Variants in NCOA3 observed in about 807,000 individuals in gnomAD.
NCOA3 encodes the protein nuclear receptor coactivator 3.
A neutral mutation model predicts 158.8 loss-of-function variants in NCOA3; 51 were observed. The observed-to-expected ratio is 0.32, with a 90% CI of 0.26 to 0.41. The LOEUF is 0.41. Ranked by LOEUF, NCOA3 falls within the 10% of genes least tolerant of loss-of-function variation. The pLI is 1.00. For missense variants in NCOA3, 1,510 were observed against 1,746.6 expected (o/e 0.86, Z 2.41); for synonymous variants, 537 against 592.4 (o/e 0.91, Z 1.36).
At chr20:47,508,822 A>G (rs2084069102) in intron 1 of NCOA3, among the ~76,000 whole-genome samples, 3 of 152,206 alleles carry the variant, frequency 2.0e-5, no homozygotes, top group African/African-American at 7.2e-5. Flanking sequence ...GTTACTTTGA[A>G]AAGAAGACTT....
intron 2 of NCOA3, among the ~76,000 whole-genome samples, chr20:47,612,298 A>G (rs1442518958): frequency 2.0e-5 from 3 of 152,256 alleles, no homozygotes; most frequent in Non-Finnish European, 4.4e-5. Flanking sequence ...GTTACATACA[A>G]GTTTACACAA....
chr20:47,520,780 C>T (rs2084318985), intron 1 of NCOA3, among the ~76,000 whole-genome samples: 2 of 152,158 alleles, frequency 1.3e-5, no homozygotes, highest in South Asian at 2.1e-4. Context: ...CCTTTGCGCT[C>T]ACTGAACTTG....
intron 10 of NCOA3, among the ~76,000 whole-genome samples, chr20:47,634,602 C>G (rs966308214): frequency 6.6e-6 from 1 of 152,066 alleles, no homozygotes; most frequent in Non-Finnish European, 1.5e-5. Context: ...GGATATTCAC[C>G]CATTAATTAT....
chr20:47,597,142 C>T (rs1453824160), intron 2 of NCOA3, among the ~76,000 whole-genome samples: 1 of 152,096 alleles, frequency 6.6e-6, no homozygotes, highest in East Asian at 1.9e-4. Flanking sequence ...ACATTTCTAC[C>T]ATTCCCTAAA....
chr20:47,519,444 T>A (rs953431568), intron 1 of NCOA3, among the ~76,000 whole-genome samples: 71 of 149,456 alleles, frequency 4.8e-4, no homozygotes, highest in Middle Eastern at 3.4e-3. Context: ...AAAAAAAAAA[T>A]GATATTTTTA....
chr20:47,502,144 C>T, intron 1 of NCOA3, 125 bp downstream of exon 1: 1 of 397,710 alleles, frequency 2.5e-6, no homozygotes, highest in Non-Finnish European at 4.4e-6. Context: ...CACTGAGGGG[C>T]GCGCCGGCCG....
At chr20:47,645,368 T>C (rs1052080441) in intron 17 of NCOA3, among the ~76,000 whole-genome samples, 5 of 152,052 alleles carry the variant, frequency 3.3e-5, no homozygotes, top group Admixed American at 3.3e-4. Context: ...TCTGATCCCC[T>C]ACCACCCTCA....
At chr20:47,574,228 A>G (rs1258141600) in intron 1 of NCOA3, among the ~76,000 whole-genome samples, 1 of 152,178 alleles carries the variant, frequency 6.6e-6, no homozygotes, top group Admixed American at 6.6e-5. Context: ...ATCATGGTTA[A>G]AGTATAACCC....
chr20:47,560,174 G>C (rs2085074693), intron 1 of NCOA3, among the ~76,000 whole-genome samples: 1 of 152,092 alleles, frequency 6.6e-6, no homozygotes, highest in Non-Finnish European at 1.5e-5. Context: ...TTGTCTCCTG[G>C]TTTCAAGCAA....
chr20:47,596,157 A>G (rs1032590149), intron 2 of NCOA3, among the ~76,000 whole-genome samples: 2 of 152,216 alleles, frequency 1.3e-5, no homozygotes, highest in African/African-American at 4.8e-5. Flanking sequence ...TCCTGCTTCT[A>G]TCCTTGAAGT....
rs60100539 is a variant in NCOA3, at chr20:47,515,028, T to TAA, written c.-99+13020_-99+13021dup. On this transcript the variant is annotated intron_variant, in intron 1 of 22. Transcript: ENST00000371998. ...GTTTTGTATAAGATTTCATTTGTGT[T>TAA]AAAAAAAAAAAATTCTACAGCAAAA... is the stretch of plus-strand genomic sequence containing the variant. 2.7e-3 allele frequency among the ~76,000 whole-genome samples: 391 copies of TAA among 145,542 alleles called. 1 individual carries two copies. The highest frequency in any genetic ancestry group is 0.021 in the Middle Eastern group (6 of 284).
rs1351170848 is a variant in NCOA3, at chr20:47,656,763, T to TATC, written c.*3347_*3349dup. 1 of 152,596 alleles carries TATC rather than the reference T, an allele frequency of 6.6e-6. No homozygotes were observed. The highest frequency in any genetic ancestry group is 6.5e-5 in the Admixed American group (1 of 15,274). The allele number at this position is 152,596 out of a possible 1,614,324, so 9.5% of individuals were successfully genotyped here. A position where few individuals can be genotyped will look rare whatever the true frequency, so the allele number is the denominator to read the frequency against. ...GCTTAAAAAAATAGAAATTATTCTT[T>TATC]ATCTTGCAAAGAATTGAAACCACAT... On this transcript the variant is annotated 3_prime_UTR_variant, in exon 23 of 23. Coordinates refer to ENST00000371998, the MANE Select transcript of NCOA3 (RefSeq NM_181659.3).
chr20:47,536,805 CTTTT>C (rs1227796813), intron 1 of NCOA3, among the ~76,000 whole-genome samples: 3 of 129,724 alleles, frequency 2.3e-5, no homozygotes, highest in Non-Finnish European at 1.7e-5. Context: ...CTGTTTTTTT[CTTTT>C]TTTTTTTTTT....
chr20:47,573,979 A>C (rs1208167012), intron 1 of NCOA3, among the ~76,000 whole-genome samples: 2 of 150,676 alleles, frequency 1.3e-5, no homozygotes, highest in African/African-American at 4.9e-5. Context: ...TCAAGGGGTC[A>C]GTTTGTTTGA....
intron 1 of NCOA3, among the ~76,000 whole-genome samples, chr20:47,544,332 T>C (rs1341043305): frequency 1.4e-5 from 2 of 144,838 alleles, no homozygotes; most frequent in African/African-American, 5.3e-5. Flanking sequence ...TTTTTTTTTT[T>C]TTTTTCCCTT....
In NCOA3 at chr20:47,579,753, G is replaced by T. The variant is rs184611212; in HGVS notation, c.-98-3430G>T. ...AACTGAACTGGGTCTATTTTTCTGT[G>T]TATGCAATGGAAAGCTGAACACTAA... On this transcript the variant is annotated intron_variant, in intron 1 of 22. Coordinates refer to ENST00000371998, the MANE Select transcript of NCOA3 (RefSeq NM_181659.3). Among the ~76,000 whole-genome samples the T allele has an allele frequency of 1.2e-3, 187 of 152,286 alleles. 1 individual carries two copies. The highest frequency in any genetic ancestry group is 1.0e-2 in the South Asian group (48 of 4,824).
rs1482276384 is a variant in NCOA3, at chr20:47,510,438, A to AAAACAAAAC, written c.-99+8422_-99+8423insCAAAACAAA. Among the ~76,000 whole-genome samples, 18 of 150,352 alleles carry AAAACAAAAC rather than the reference A, an allele frequency of 1.2e-4. 3 individuals are homozygous for AAAACAAAAC. The highest frequency in any genetic ancestry group is 4.4e-4 in the African/African-American group (18 of 41,066). On this transcript the variant is annotated intron_variant, in intron 1 of 22. Transcript: ENST00000371998. ...ACAGAGCAAGACTCCATCTCAAAAA[A>AAAACAAAAC]AAAAAAAAAGTACACGATCATATCT...
At chr20:47,652,330 A>C (rs72645302) in intron 20 of NCOA3, 76 bp from the exon 21 acceptor site, 5 of 1,396,010 alleles carry the variant, frequency 3.6e-6, no homozygotes, top group Non-Finnish European at 3.9e-6. Flanking sequence ...AAAAAAAACA[A>C]AATTACTACA....
At chr20:47,508,252 A>C (rs895122753) in intron 1 of NCOA3, among the ~76,000 whole-genome samples, 1 of 152,234 alleles carries the variant, frequency 6.6e-6, no homozygotes, top group Non-Finnish European at 1.5e-5. Context: ...TCCCACCTTC[A>C]TATCTAAGGC....
Sources: gnomAD v4.1 joint callset for allele counts (sites outside exome capture counted in the v4.1 genomes callset) on GRCh38, gnomAD v4.1.1 for gene constraint, MANE v1.5 for transcripts, NCBI Gene and HGNC (gene_info 2026-07-23, HGNC 2026-07-21) for gene names.